Variants in NSUN3 observed in about 807,000 individuals in gnomAD.
The protein encoded by NSUN3 is NOP2/Sun RNA methyltransferase 3.
In NSUN3, 24 loss-of-function variants were observed where a neutral mutation model predicts 36.8. The observed-to-expected ratio is 0.65, with a 90% CI of 0.47 to 0.92. The LOEUF is 0.92. Ranked by LOEUF, NSUN3 falls within the 40% of genes least tolerant of loss-of-function variation. NSUN3 has a pLI of 0.00. For synonymous variants in NSUN3, 146 were observed against 145.2 expected (o/e 1.01, Z -0.04); for missense variants, 381 against 392.8 (o/e 0.97, Z 0.25).
At chr3:94,076,547 G>A (rs2077247322) in intron 2 of NSUN3, 3 of 807,506 alleles carry the variant, frequency 3.7e-6, no homozygotes, top group South Asian at 2.7e-5. Flanking sequence ...TCCCTCCTTT[G>A]GAACAGCACT....
rs141701187 is a variant in NSUN3 at position 94,104,556 on chromosome 3, C to T, written c.743+9402C>T. ...GGATTCAATCAACTCTTCCAACCAG[C>T]TATTAGACAGAAAATAAAAGCCTTG... is the stretch of plus-strand genomic sequence containing the variant. On this transcript the variant is annotated intron_variant, in intron 5 of 5. Coordinates refer to ENST00000314622, the MANE Select transcript of NSUN3 (RefSeq NM_022072.5). Among the ~76,000 whole-genome samples the T allele has an allele frequency of 6.2e-3, 944 of 152,258 alleles. 3 individuals carry two copies. Among genetic ancestry groups the T allele is most frequent in the Non-Finnish European group, 9.6e-3 (655 of 68,024 alleles).
chr3:94,111,136 A>C (rs1426816665), intron 5 of NSUN3, among the ~76,000 whole-genome samples: 2 of 152,218 alleles, frequency 1.3e-5, no homozygotes, highest in Non-Finnish European at 2.9e-5. Flanking sequence ...TACTGTAGGC[A>C]GTTGTAACAC....
At chr3:94,064,178 C>G (rs2077193776) in intron 1 of NSUN3, 1 of 434,764 alleles carries the variant, frequency 2.3e-6, no homozygotes, top group Admixed American at 3.9e-5. Flanking sequence ...AATTTTGTTC[C>G]TTTTGACAGT....
intron 2 of NSUN3, among the ~76,000 whole-genome samples, chr3:94,080,471 C>G (rs2107243918): frequency 6.6e-6 from 1 of 152,334 alleles, no homozygotes; most frequent in Middle Eastern, 3.4e-3. Flanking sequence ...TCAGAGCCAT[C>G]AGGCAGGGAC....
chr3:94,089,660 G>A (rs1029373716), intron 3 of NSUN3, among the ~76,000 whole-genome samples: 8 of 152,212 alleles, frequency 5.3e-5, no homozygotes, highest in African/African-American at 1.9e-4. Flanking sequence ...AAGGAAGAAT[G>A]AAGGAAGAGG....
chr3:94,126,386 A>G lies in NSUN3; in HGVS notation c.919A>G (p.Thr307Ala). ...CTCCCACGACTTCACATTTGCTCCC[A>G]CTGGCCAGGAATGTGGGCTCTTAGT... is the stretch of plus-strand genomic sequence containing the variant. ...TCSHDFTFAP[T>A]GQECGLLVIP... The change falls in exon 6 of 6, where the codon ACT becomes GCT. Residue 307 changes from threonine to alanine, a missense_variant. Physicochemically the swap from Thr to Ala is moderately conservative, Grantham distance 58. Coordinates refer to ENST00000314622, the MANE Select transcript of NSUN3 (RefSeq NM_022072.5). 1.2e-6 allele frequency: 2 copies of G among 1,614,106 alleles called. No homozygotes were observed. Among genetic ancestry groups the G allele is most frequent in the Admixed American group, 1.7e-5 (1 of 60,006 alleles).
chr3:94,124,346 C>T (rs1198808756), intron 5 of NSUN3, among the ~76,000 whole-genome samples: 9 of 151,622 alleles, frequency 5.9e-5, no homozygotes, highest in African/African-American at 1.2e-4. Context: ...ATGCTGGTCT[C>T]GAACTCCTGA....
chr3:94,124,639 A>G (rs973528948), intron 5 of NSUN3, among the ~76,000 whole-genome samples: 1 of 152,122 alleles, frequency 6.6e-6, no homozygotes, highest in African/African-American at 2.4e-5. Context: ...TTAATGAACT[A>G]CTTTTAACTT....
chr3:94,121,341 C>T (rs559602013), intron 5 of NSUN3, among the ~76,000 whole-genome samples: 1 of 152,302 alleles, frequency 6.6e-6, no homozygotes, highest in African/African-American at 2.4e-5. Context: ...AACTCTCTGC[C>T]TCCCTCTTTC....
At chr3:94,076,531 C>T in intron 2 of NSUN3, 1 of 796,230 alleles carries the variant, frequency 1.3e-6, no homozygotes, top group South Asian at 1.3e-5. Context: ...TTGCATCCAC[C>T]ACATTTCCCT....
chr3:94,074,334 TG>T (rs2077237963), intron 2 of NSUN3, among the ~76,000 whole-genome samples: 1 of 152,236 alleles, frequency 6.6e-6, no homozygotes, highest in Admixed American at 6.5e-5. Context: ...TTTCCAATTC[TG>T]TGAAGAAAGT....
At chr3:94,085,559 C>A (rs2077289001) in intron 3 of NSUN3, among the ~76,000 whole-genome samples, 1 of 152,106 alleles carries the variant, frequency 6.6e-6, no homozygotes, top group African/African-American at 2.4e-5. Context: ...GAGTTCTAGA[C>A]CAGTCTGGGC....
At chr3:94,088,382 A>G (rs758237749) in intron 3 of NSUN3, among the ~76,000 whole-genome samples, 20 of 152,028 alleles carry the variant, frequency 1.3e-4, no homozygotes, top group Non-Finnish European at 2.1e-4. Flanking sequence ...ATATCCTCAT[A>G]TATAAATCTT....
chr3:94,067,128 A>C (rs991416254), intron 2 of NSUN3, among the ~76,000 whole-genome samples: 5 of 152,216 alleles, frequency 3.3e-5, no homozygotes, highest in African/African-American at 4.8e-5. Flanking sequence ...ATGGACAGTC[A>C]ATCATATATA....
intron 1 of NSUN3, chr3:94,064,156 C>T: frequency 2.7e-6 from 1 of 368,862 alleles, no homozygotes; most frequent in Non-Finnish European, 5.0e-6. Context: ...CCTACAGTGA[C>T]TTTTTAAAAT....
At chr3:94,124,839 G>A (rs9860972) in intron 5 of NSUN3, among the ~76,000 whole-genome samples, 94,911 of 151,910 alleles carry the variant, frequency 0.62, 29,973 homozygotes, top group African/African-American at 0.72. Context: ...TGTTCTGTCT[G>A]TTGAGATATA....
intron 5 of NSUN3, 95 bp downstream of exon 5, chr3:94,095,249 T>G: frequency 2.5e-6 from 3 of 1,201,254 alleles, no homozygotes; most frequent in South Asian, 2.8e-5. Context: ...GGGCTTGCTG[T>G]GTAGGTGTCA....
rs140931125 is a variant in NSUN3, at chr3:94,124,542, G to A, written c.744-1669G>A. On this transcript the variant is annotated intron_variant, in intron 5 of 5. Coordinates refer to ENST00000314622, the MANE Select transcript of NSUN3 (RefSeq NM_022072.5). ...TGGTAGATAGCTGTCTTCTCCCTGC[G>A]TCTTCTTTATATGGTCCTCCCCTGT... Among the ~76,000 whole-genome samples, 17 of 151,956 alleles carry A rather than the reference G, an allele frequency of 1.1e-4. No homozygotes were observed. The East Asian group carries it at 1.7e-3, about 16-fold the overall frequency.
chr3:94,099,121 A>G (rs1287711996), intron 5 of NSUN3, among the ~76,000 whole-genome samples: 2 of 152,240 alleles, frequency 1.3e-5, no homozygotes, highest in Non-Finnish European at 2.9e-5. Context: ...TGACAAAAAT[A>G]ATGATGTAAT....
Sources: allele counts gnomAD v4.1 joint callset (sites outside exome capture counted in the v4.1 genomes callset), GRCh38; gene constraint gnomAD v4.1.1; transcripts MANE v1.5; gene names NCBI Gene and HGNC (gene_info 2026-07-23, HGNC 2026-07-21).